The following SYT6 variants were observed in gnomAD, a reference collection of about 807,000 sequenced individuals.
SYT6 encodes synaptotagmin-6.
A neutral mutation model predicts 38.4 loss-of-function variants in SYT6; 24 were observed. The ratio of observed to expected loss-of-function variants is 0.62; its 90% CI spans 0.45 to 0.88. The LOEUF is 0.88. SYT6 is among the 40% of genes least tolerant of loss of function. SYT6 has a pLI of 0.00. For missense variants in SYT6, 611 were observed against 621.0 expected, an observed-to-expected ratio of 0.98 and a Z score of 0.17; for synonymous variants, 265 against 241.9, an observed-to-expected ratio of 1.10 and a Z score of -0.89.
At chr1:114,110,056 G>A (rs1451785900) in intron 3 of SYT6, among the ~76,000 whole-genome samples, 1 of 152,196 alleles carries the variant, frequency 6.6e-6, no homozygotes, top group African/African-American at 2.4e-5. Context: ...CCCCAGGCAA[G>A]GGCCAGCCTT....
chr1:114,130,593 A>T (rs371030131), intron 3 of SYT6, among the ~76,000 whole-genome samples: 6 of 151,686 alleles, frequency 4.0e-5, no homozygotes, highest in African/African-American at 1.2e-4. Context: ...ACTCACCTCC[A>T]TCTCCCCTTT....
rs115614268 is a variant in SYT6 at position 114,126,182 on chromosome 1, G to A, written c.1071+11313C>T. Among the ~76,000 whole-genome samples, 1,227 of 152,298 alleles carry A rather than the reference G, an allele frequency of 8.1e-3. 12 individuals carry two copies. Among genetic ancestry groups the A allele is most frequent in the African/African-American group, 0.028 (1,180 of 41,556 alleles). ...CTCCCAACCACCCCAAGCAAGGTGT[G>A]AGACTTCTTTGGTCTGAAATTGCTC... On this transcript the variant is annotated intron_variant, in intron 3 of 7. Transcript: ENST00000610222.
At chr1:114,104,836 A>G (rs1459193884) in intron 3 of SYT6, among the ~76,000 whole-genome samples, 1 of 151,932 alleles carries the variant, frequency 6.6e-6, no homozygotes, top group Admixed American at 6.6e-5. Flanking sequence ...AAAAAATTCC[A>G]CCTTTTATTT....
At chr1:114,126,840 C>T (rs1677774886) in intron 3 of SYT6, among the ~76,000 whole-genome samples, 2 of 152,144 alleles carry the variant, frequency 1.3e-5, no homozygotes, top group African/African-American at 2.4e-5. Context: ...GACAGGGCTG[C>T]GGTCTGGTTG....
chr1:114,131,599 G>A lies in SYT6; in HGVS notation c.1071+5896C>T, dbSNP rs534178764. ...GGGCTTGGGGACTTGGGGGCACAGG[G>A]CATCCCCTACAGTCCTTGTCAGCCT... On this transcript the variant is annotated intron_variant, in intron 3 of 7. Coordinates refer to ENST00000610222, the MANE Select transcript of SYT6 (RefSeq NM_001253772.2). 4.1e-4 allele frequency among the ~76,000 whole-genome samples: 62 copies of A among 152,294 alleles called. 2 individuals carry two copies. The South Asian group carries it at 0.012, about 31-fold the overall frequency.
intron 3 of SYT6, among the ~76,000 whole-genome samples, chr1:114,123,957 T>C (rs1677568146): frequency 1.9e-5 from 2 of 103,440 alleles, no homozygotes; most frequent in South Asian, 3.6e-4. Context: ...GTCTCTTTTC[T>C]GGCTGAGACC....
At position 114,097,707 on chromosome 1, in the gene SYT6, G is replaced by T; in HGVS notation, c.1515+20C>A. On this transcript the variant is annotated intron_variant, in intron 6 of 7. Transcript: ENST00000610222. ...ACTGCCATGCAGCAAACATGCCAAG[G>T]GCCAGGTGACCTCACCCACCTCTTT... 6.2e-7 allele frequency: 1 copy of T among 1,612,790 alleles called. No individual in the cohort carries two copies. The highest frequency in any genetic ancestry group is 2.2e-5 in the East Asian group (1 of 44,868).
At chr1:114,095,763 C>T (rs1009114103) in intron 6 of SYT6, among the ~76,000 whole-genome samples, 1 of 152,044 alleles carries the variant, frequency 6.6e-6, no homozygotes, top group African/African-American at 2.4e-5. Flanking sequence ...CGGGTTCACG[C>T]CATTCTCCTG....
chr1:114,142,132 GC>G (rs1337154017), intron 1 of SYT6, among the ~76,000 whole-genome samples: 1 of 152,186 alleles, frequency 6.6e-6, no homozygotes, highest in African/African-American at 2.4e-5. Flanking sequence ...TTAGGCTTTA[GC>G]TGTCATAGAC....
At chr1:114,101,940 A>C (rs1242846259) in intron 4 of SYT6, among the ~76,000 whole-genome samples, 1 of 152,228 alleles carries the variant, frequency 6.6e-6, no homozygotes, top group Non-Finnish European at 1.5e-5. Flanking sequence ...TTCGGAATCA[A>C]GCCAAGGTTT....
At chr1:114,100,681 G>T (rs1295851774) in intron 4 of SYT6, among the ~76,000 whole-genome samples, 3 of 152,212 alleles carry the variant, frequency 2.0e-5, no homozygotes, top group African/African-American at 7.2e-5. Flanking sequence ...GGGATTTTCA[G>T]TAAAATGGAA....
At position 114,153,786 on chromosome 1, in the gene SYT6, A is replaced by C; in HGVS notation, c.-14T>G. On this transcript the variant is annotated 5_prime_UTR_variant, in exon 1 of 8. Coordinates refer to ENST00000610222, the MANE Select transcript of SYT6 (RefSeq NM_001253772.2). ...CACTCCGCTCATGCCCTAGACACCCAGGCTTGCCGAGCAGCAGCTCGAACC... is the reference window on the plus strand; with the variant it reads ...CACTCCGCTCATGCCCTAGACACCCCGGCTTGCCGAGCAGCAGCTCGAACC... 1.5e-6 allele frequency: 1 copy of C among 653,300 alleles called. No homozygotes were observed. Among genetic ancestry groups the C allele is most frequent in the Non-Finnish European group, 2.7e-6 (1 of 365,956 alleles). The allele number at this position is 653,300 out of a possible 1,614,324, so 40.5% of individuals were successfully genotyped here.
intron 4 of SYT6, among the ~76,000 whole-genome samples, 195 bp from the exon 5 acceptor site, chr1:114,099,460 T>C (rs956085105): frequency 3.9e-5 from 6 of 152,328 alleles, no homozygotes; most frequent in South Asian, 2.1e-4. Flanking sequence ...GCTTAATAAA[T>C]GCAGAGTCTT....
chr1:114,115,473 G>A (rs1166261866), intron 3 of SYT6, among the ~76,000 whole-genome samples: 1 of 151,020 alleles, frequency 6.6e-6, no homozygotes, highest in African/African-American at 2.4e-5. Context: ...CTGGACTGCA[G>A]TGGTGCGATC....
Position 114,131,964 on chromosome 1 carries a change from C to G in SYT6, c.1071+5531G>C, listed in dbSNP as rs115943992. ...ACAATTTCAGTGTTTATTTTCTGTC[C>G]CAAGAAACAATGTAACCATGCTTCC... On this transcript the variant is annotated intron_variant, in intron 3 of 7. Coordinates refer to ENST00000610222, the MANE Select transcript of SYT6 (RefSeq NM_001253772.2). 9.3e-3 allele frequency among the ~76,000 whole-genome samples: 1,422 copies of G among 152,270 alleles called. 30 individuals carry two copies. The highest frequency in any genetic ancestry group is 0.033 in the African/African-American group (1,351 of 41,548).
At chr1:114,139,571 T>C (rs774117750) in intron 2 of SYT6, 44 bp downstream of exon 2, 1 of 1,610,068 alleles carries the variant, frequency 6.2e-7, no homozygotes, top group African/African-American at 1.3e-5. Flanking sequence ...ATTAAGGGAG[T>C]GTGGAGGTGT....
intron 1 of SYT6, among the ~76,000 whole-genome samples, chr1:114,148,666 ATCATTTATTTAT>A (rs1679279743): frequency 7.3e-6 from 1 of 137,130 alleles, no homozygotes; most frequent in African/African-American, 2.8e-5. Flanking sequence ...TACTAATAAT[ATCATTTATTTAT>A]TTATTTATTT....
At chr1:114,130,780 G>A (rs1057130481) in intron 3 of SYT6, among the ~76,000 whole-genome samples, 6 of 152,168 alleles carry the variant, frequency 3.9e-5, no homozygotes, top group Admixed American at 3.9e-4. Flanking sequence ...GACCTGCTTA[G>A]TGGATGAAGA....
rs1322212944 is a variant in SYT6, at chr1:114,129,657, C to CTTTCTCTTTCTTTCTT, written c.1071+7837_1071+7838insAAGAAAGAAAGAGAAA. ...TCTTTCTTTCTCTTTCTTTCTTTTT[C>CTTTCTCTTTCTTTCTT]TTTCTTTCTTTCTTTCTTTTTCTTT... On this transcript the variant is annotated intron_variant, in intron 3 of 7. Coordinates refer to ENST00000610222, the MANE Select transcript of SYT6 (RefSeq NM_001253772.2). 6.0e-3 allele frequency among the ~76,000 whole-genome samples: 332 copies of CTTTCTCTTTCTTTCTT among 54,904 alleles called. 3 individuals are homozygous for CTTTCTCTTTCTTTCTT. Among genetic ancestry groups the CTTTCTCTTTCTTTCTT allele is most frequent in the East Asian group, 0.045 (64 of 1,422 alleles). 36.0% of individuals were successfully genotyped at this position (54,904 alleles called of 152,430 possible). A position where few individuals can be genotyped will look rare whatever the true frequency, so the allele number is the denominator to read the frequency against.
Sources: allele counts gnomAD v4.1 joint callset (sites outside exome capture counted in the v4.1 genomes callset), GRCh38; gene constraint gnomAD v4.1.1; transcripts MANE v1.5; gene names NCBI Gene and HGNC (gene_info 2026-07-23, HGNC 2026-07-21).